Variants in ADAM10 observed in about 807,000 individuals in gnomAD.
The protein encoded by ADAM10 is disintegrin and metalloproteinase domain-containing protein 10.
In ADAM10, 17 loss-of-function variants were observed where a neutral mutation model predicts 90.1. The ratio of observed to expected loss-of-function variants is 0.19; its 90% CI spans 0.13 to 0.28. The LOEUF (loss-of-function observed/expected upper bound fraction) is 0.28. ADAM10 is among the 10% of genes least tolerant of loss of function. ADAM10 has a pLI of 1.00. For synonymous variants in ADAM10, 310 were observed against 298.6 expected (o/e 1.04, Z -0.40); for missense variants, 610 against 914.3 (o/e 0.67, Z 4.29).
chr15:58,725,503 A>T (rs1361574610), intron 1 of ADAM10, among the ~76,000 whole-genome samples: 1 of 151,698 alleles, frequency 6.6e-6, no homozygotes, highest in East Asian at 1.9e-4. Flanking sequence ...CTATGATCAC[A>T]ACAGCCTCAG....
chr15:58,697,214 C>CTACTA (rs1357080941), intron 2 of ADAM10, among the ~76,000 whole-genome samples: 1 of 152,194 alleles, frequency 6.6e-6, no homozygotes, highest in Non-Finnish European at 1.5e-5. Context: ...AGCAGTGGAG[C>CTACTA]TACTACACCT....
At chr15:58,651,967 T>C (rs1415874606) in intron 5 of ADAM10, among the ~76,000 whole-genome samples, 2 of 152,214 alleles carry the variant, frequency 1.3e-5, no homozygotes, top group East Asian at 1.9e-4. Flanking sequence ...GGTATCTCAC[T>C]GTAATTTTTA....
chr15:58,618,159 C>T (rs546332323), intron 11 of ADAM10, among the ~76,000 whole-genome samples: 1 of 152,196 alleles, frequency 6.6e-6, no homozygotes, highest in Admixed American at 6.5e-5. Context: ...CAGCATGATA[C>T]TGACATAAAA....
At chr15:58,739,411 G>T (rs999696805) in intron 1 of ADAM10, among the ~76,000 whole-genome samples, 1 of 151,808 alleles carries the variant, frequency 6.6e-6, no homozygotes, top group Non-Finnish European at 1.5e-5. Flanking sequence ...CAGCTACTCG[G>T]GAGGCTGAGG....
chr15:58,639,353 A>C (rs371250716), intron 8 of ADAM10, among the ~76,000 whole-genome samples: 4 of 152,328 alleles, frequency 2.6e-5, no homozygotes, highest in South Asian at 2.1e-4. Flanking sequence ...CACTTGTTTG[A>C]GACTTCACAG....
intron 5 of ADAM10, among the ~76,000 whole-genome samples, chr15:58,663,692 A>C (rs1237943628): frequency 6.6e-6 from 1 of 152,098 alleles, no homozygotes; most frequent in Non-Finnish European, 1.5e-5. Flanking sequence ...AATATGGTAT[A>C]TCTCTCCATT....
At chr15:58,617,962 T>C (rs1378933690) in intron 11 of ADAM10, among the ~76,000 whole-genome samples, 1 of 148,940 alleles carries the variant, frequency 6.7e-6, no homozygotes, top group Non-Finnish European at 1.5e-5. Flanking sequence ...AAAACGGCCA[T>C]ACTACCAAAA....
intron 1 of ADAM10, among the ~76,000 whole-genome samples, chr15:58,723,122 GC>G (rs2140825522): frequency 6.6e-6 from 1 of 152,028 alleles, no homozygotes; most frequent in South Asian, 2.1e-4. Flanking sequence ...CAAACAGGCA[GC>G]CAAGGAATGA....
chr15:58,653,027 A>G (rs1428931911), intron 5 of ADAM10, among the ~76,000 whole-genome samples: 1 of 152,170 alleles, frequency 6.6e-6, no homozygotes, highest in Non-Finnish European at 1.5e-5. Context: ...GTTGCTGGAA[A>G]CAACAGTAGA....
intron 2 of ADAM10, among the ~76,000 whole-genome samples, chr15:58,694,126 A>G (rs548141286): frequency 1.3e-5 from 2 of 152,348 alleles, no homozygotes; most frequent in African/African-American, 4.8e-5. Flanking sequence ...ACTTTGGAAA[A>G]CTGTTTAGCA....
At position 58,594,433 on chromosome 15, in the gene ADAM10, C is replaced by T. The variant is rs543540917; in HGVS notation, c.*3114G>A. On this transcript the variant is annotated 3_prime_UTR_variant, in exon 16 of 16. Transcript: ENST00000260408. The stretch of plus-strand genomic sequence containing the variant: ...GGACTGAGGGTCGAGTAGTTTGCTC[C>T]GCTTGGACAAATCAGATTTCACTAT... The T allele has an allele frequency of 3.3e-5, 5 of 152,250 alleles. 1 individual carries two copies. In the South Asian group the frequency reaches 6.2e-4, roughly 19 times the overall value. 9.4% of individuals were successfully genotyped at this position (152,250 alleles called of 1,614,324 possible).
At chr15:58,697,478 G>A (rs1898012095) in intron 2 of ADAM10, among the ~76,000 whole-genome samples, 1 of 152,108 alleles carries the variant, frequency 6.6e-6, no homozygotes, top group African/African-American at 2.4e-5. Context: ...CCGTTAACAT[G>A]TGAACACTTC....
chr15:58,649,525 T>C (rs1421149852), intron 5 of ADAM10, among the ~76,000 whole-genome samples: 1 of 152,212 alleles, frequency 6.6e-6, no homozygotes, highest in Non-Finnish European at 1.5e-5. Context: ...TGGTTATATA[T>C]TCCATTTGAA....
intron 15 of ADAM10, among the ~76,000 whole-genome samples, chr15:58,599,346 C>G (rs910485866): frequency 8.6e-5 from 13 of 150,664 alleles, no homozygotes; most frequent in Non-Finnish European, 1.8e-4. Flanking sequence ...AAAACAAATA[C>G]CAAGCAAAAT....
chr15:58,678,924 G>A (rs1332686208), intron 4 of ADAM10, among the ~76,000 whole-genome samples, 200 bp downstream of exon 4: 1 of 152,152 alleles, frequency 6.6e-6, no homozygotes, highest in African/African-American at 2.4e-5. Context: ...CAGCAAAGTA[G>A]TACTGGCAAT....
At position 58,624,052 on chromosome 15, in the gene ADAM10, G is replaced by A. The variant is rs189979108; in HGVS notation, c.1361-2431C>T. Among the ~76,000 whole-genome samples the A allele has an allele frequency of 1.3e-3, 191 of 151,264 alleles. 1 individual carries two copies. Among genetic ancestry groups the A allele is most frequent in the African/African-American group, 4.2e-3 (174 of 41,198 alleles). On this transcript the variant is annotated intron_variant, in intron 10 of 15. Coordinates refer to ENST00000260408, the MANE Select transcript of ADAM10 (RefSeq NM_001110.4). ...GTAAATGCCAGCACTTTGGGAGGCC[G>A]AGGCAGGTGGATAACAAGGTCAAGA...
rs540493740 is a variant in ADAM10 at position 58,696,100 on chromosome 15, G to A, written c.207-13786C>T. ...CACTGCACTCCAGCCTGGGCAACAA[G>A]AGTGAGACTCCACCTCAAAAATTAA... On this transcript the variant is annotated intron_variant, in intron 2 of 15. Coordinates refer to ENST00000260408, the MANE Select transcript of ADAM10 (RefSeq NM_001110.4). 1.2e-4 allele frequency among the ~76,000 whole-genome samples: 18 copies of A among 152,152 alleles called. No homozygotes were observed. In the East Asian group the frequency reaches 1.9e-3, roughly 16 times the overall value.
intron 12 of ADAM10, 75 bp from the exon 13 acceptor site, chr15:58,611,182 A>C (rs900244990): frequency 9.7e-7 from 1 of 1,028,992 alleles, no homozygotes; most frequent in Middle Eastern, 2.0e-4. Flanking sequence ...CAGACAGGCA[A>C]GTATGAGCTT....
Position 58,597,539 on chromosome 15 carries a change from A to C in ADAM10, c.*8T>G. The stretch of plus-strand genomic sequence containing the variant: ...AGGCACTAGGAAGAACCAAGGCAAA[A>C]GCTGCAGTTAGCGTCTCATGTGTCC... On this transcript the variant is annotated 3_prime_UTR_variant, in exon 16 of 16. Coordinates refer to ENST00000260408, the MANE Select transcript of ADAM10 (RefSeq NM_001110.4). 1.2e-6 allele frequency: 2 copies of C among 1,614,046 alleles called. No individual in the cohort carries two copies. Among genetic ancestry groups the C allele is most frequent in the Non-Finnish European group, 1.7e-6 (2 of 1,180,006 alleles).
Sources: allele counts gnomAD v4.1 joint callset (sites outside exome capture counted in the v4.1 genomes callset), GRCh38; gene constraint gnomAD v4.1.1; transcripts MANE v1.5; gene names NCBI Gene and HGNC (gene_info 2026-07-23, HGNC 2026-07-21).